The following PHF21A variants were observed in gnomAD, a reference collection of about 807,000 sequenced individuals.
PHF21A encodes the protein BHC80a.
PHF21A carries 11 observed loss-of-function variants against 82.5 expected under a neutral mutation model. The ratio of observed to expected loss-of-function variants is 0.13; its 90% confidence interval spans 0.08 to 0.22. The LOEUF (loss-of-function observed/expected upper bound fraction) is 0.22. Ranked by LOEUF, PHF21A falls within the 10% of genes least tolerant of loss-of-function variation. The pLI, the probability that PHF21A is intolerant of heterozygous loss-of-function variation, is 1.00. For missense variants in PHF21A, 579 were observed against 837.8 expected (o/e 0.69, Z 3.81); for synonymous variants, 297 against 302.8 (o/e 0.98, Z 0.20).
chr11:46,007,024 C>T (rs779034128), intron 6 of PHF21A, among the ~76,000 whole-genome samples: 33 of 152,168 alleles, frequency 2.2e-4, no homozygotes, highest in African/African-American at 6.8e-4. Context: ...ATCTTTAGAG[C>T]GTTCCTGCAA....
chr11:45,957,751 C>CAAAAA, intron 10 of PHF21A, among the ~76,000 whole-genome samples: 8 of 60,900 alleles, frequency 1.3e-4, no homozygotes, highest in African/African-American at 2.4e-4. Flanking sequence ...AAATTCAAAG[C>CAAAAA]AAAAAAAAAA....
chr11:46,054,800 G>A (rs2096427038), intron 6 of PHF21A, among the ~76,000 whole-genome samples: 1 of 152,110 alleles, frequency 6.6e-6, no homozygotes, highest in Non-Finnish European at 1.5e-5. Context: ...AAATATTTGT[G>A]ACTGAATGAA....
At chr11:45,990,920 A>G (rs1411545618) in intron 6 of PHF21A, among the ~76,000 whole-genome samples, 1 of 152,154 alleles carries the variant, frequency 6.6e-6, no homozygotes, top group African/African-American at 2.4e-5. Context: ...ACTAGTGTTC[A>G]CTCCTGATGC....
In PHF21A at chr11:46,071,891, T is replaced by G. The variant is rs75533862; in HGVS notation, c.153+4863A>C. On this transcript the variant is annotated intron_variant, in intron 6 of 18. Coordinates refer to ENST00000676320, the MANE Select transcript of PHF21A (RefSeq NM_001352027.3). ...TTTTCATAAGTTAGTTTAAAAAGCA[T>G]AAAAAGCAAGACACACCGTTCTATA... 1.6e-3 allele frequency among the ~76,000 whole-genome samples: 251 copies of G among 152,170 alleles called. 3 individuals are homozygous for G. The highest frequency in any genetic ancestry group is 0.011 in the East Asian group (59 of 5,184).
chr11:46,064,401 G>C (rs2096570892), intron 6 of PHF21A, among the ~76,000 whole-genome samples: 1 of 152,194 alleles, frequency 6.6e-6, no homozygotes, highest in Non-Finnish European at 1.5e-5. Context: ...GCTTCACTGA[G>C]AGAAACTAAG....
chr11:46,120,018 G>A (rs575889317), intron 1 of PHF21A, among the ~76,000 whole-genome samples: 16 of 147,382 alleles, frequency 1.1e-4, no homozygotes, highest in African/African-American at 3.7e-4. Flanking sequence ...GGCCGGCCCC[G>A]GGGTGAGGGG....
At chr11:46,076,677 G>C in intron 6 of PHF21A, 77 bp downstream of exon 6, 1 of 1,163,720 alleles carries the variant, frequency 8.6e-7, no homozygotes. Flanking sequence ...AAAAATAGCA[G>C]TTCTCTTAGA....
At chr11:45,979,497 T>C (rs2094187693) in intron 7 of PHF21A, among the ~76,000 whole-genome samples, 1 of 152,234 alleles carries the variant, frequency 6.6e-6, no homozygotes, top group South Asian at 2.1e-4. Flanking sequence ...AAGCAGATAA[T>C]TGATTTTTGT....
At chr11:46,008,971 CTTTTTT>C (rs368337006) in intron 6 of PHF21A, among the ~76,000 whole-genome samples, 163 of 111,578 alleles carry the variant, frequency 1.5e-3, no homozygotes, top group Non-Finnish European at 1.9e-3. Flanking sequence ...TCACATTTCA[CTTTTTT>C]TTTTTTTTTT....
At chr11:46,108,588 A>ATATATAT (rs67231476) in intron 1 of PHF21A, among the ~76,000 whole-genome samples, 32 of 118,108 alleles carry the variant, frequency 2.7e-4, no homozygotes, top group East Asian at 7.3e-4. Context: ...TATATATATA[A>ATATATAT]AATACATATG....
chr11:46,075,409 G>C (rs186940287), intron 6 of PHF21A, among the ~76,000 whole-genome samples: 1 of 152,258 alleles, frequency 6.6e-6, no homozygotes, highest in African/African-American at 2.4e-5. Context: ...TTGGCGTCTT[G>C]TCAAACTAAC....
Position 46,092,980 on chromosome 11 carries a change from C to T in PHF21A, c.-236-757G>A, listed in dbSNP as rs556242304. On this transcript the variant is annotated intron_variant, in intron 1 of 18. Transcript: ENST00000676320. ...GTGTTGCCCAAGCTGGTATCAAACC[C>T]CTGGGCTCAAGCAATCCTCCCTGCC... 3.3e-5 allele frequency among the ~76,000 whole-genome samples: 5 copies of T among 152,130 alleles called. No individual in the cohort carries two copies. In the South Asian group the frequency reaches 6.2e-4, roughly 19 times the overall value.
chr11:46,015,774 A>G (rs1027988580), intron 6 of PHF21A, among the ~76,000 whole-genome samples: 5 of 152,152 alleles, frequency 3.3e-5, no homozygotes, highest in African/African-American at 1.2e-4. Context: ...TCTATACCTT[A>G]TCCCACTGGA....
At chr11:46,068,763 G>A (rs1384235690) in intron 6 of PHF21A, among the ~76,000 whole-genome samples, 1 of 152,064 alleles carries the variant, frequency 6.6e-6, no homozygotes, top group Non-Finnish European at 1.5e-5. Context: ...AATTCAATTT[G>A]AATTTTAAAA....
chr11:45,979,066 G>A (rs925884732), intron 7 of PHF21A, among the ~76,000 whole-genome samples: 12 of 151,654 alleles, frequency 7.9e-5, no homozygotes. Context: ...GCCCAGGCTG[G>A]AGTGCAGTGG....
intron 6 of PHF21A, among the ~76,000 whole-genome samples, chr11:46,054,164 C>T (rs2096413931): frequency 6.6e-6 from 1 of 152,084 alleles, no homozygotes. Context: ...AAGTTGTATT[C>T]CTCTAACTAT....
intron 6 of PHF21A, among the ~76,000 whole-genome samples, chr11:46,030,750 GTTTT>G (rs1013433710): frequency 6.7e-6 from 1 of 148,930 alleles, no homozygotes; most frequent in Admixed American, 6.7e-5. Context: ...ATTTACTTCA[GTTTT>G]TTTTTAATTT....
chr11:45,978,611 C>T (rs780101552), intron 7 of PHF21A, among the ~76,000 whole-genome samples: 2 of 152,158 alleles, frequency 1.3e-5, no homozygotes, highest in Non-Finnish European at 2.9e-5. Context: ...GAGGTATCCA[C>T]GCTTAGGTTT....
intron 6 of PHF21A, chr11:46,049,587 A>C: frequency 2.4e-6 from 1 of 421,938 alleles, no homozygotes; most frequent in South Asian, 1.7e-5. Context: ...GAGAAAGGAG[A>C]AGCATATTTC....
Sources: allele counts gnomAD v4.1 joint callset (sites outside exome capture counted in the v4.1 genomes callset), GRCh38; gene constraint gnomAD v4.1.1; transcripts MANE v1.5; gene names NCBI Gene and HGNC (gene_info 2026-07-23, HGNC 2026-07-21).